The following DCLRE1A variants were observed in gnomAD, a reference collection of about 807,000 sequenced individuals.
DCLRE1A encodes the protein DNA cross-link repair 1A.
A neutral mutation model predicts 91.9 loss-of-function variants in DCLRE1A; 64 were observed. The ratio of observed to expected loss-of-function variants is 0.70; its 90% confidence interval spans 0.57 to 0.86. The LOEUF is 0.86. DCLRE1A is among the 40% of genes least tolerant of loss of function. The pLI is 0.00. For synonymous variants in DCLRE1A, 416 were observed against 431.1 expected, an observed-to-expected ratio of 0.96 and a Z score of 0.43; for missense variants, 1,145 against 1,213.3, an observed-to-expected ratio of 0.94 and a Z score of 0.84.
In DCLRE1A at chr10:113,847,465, C is replaced by T. The variant is rs938221015; in HGVS notation, c.2126-130G>A. On this transcript the variant is annotated intron_variant, in intron 2 of 8. Coordinates refer to ENST00000361384, the MANE Select transcript of DCLRE1A (RefSeq NM_014881.5). ...TTTAACTATATTTAAAAACTTATAT[C>T]ACATAAATTTAACAAAAGGTAACAC... is the stretch of plus-strand genomic sequence containing the variant. 7.5e-6 allele frequency: 8 copies of T among 1,063,228 alleles called. No homozygotes were observed. The South Asian group carries it at 2.3e-4, about 31-fold the overall frequency. 65.9% of individuals were successfully genotyped at this position (1,063,228 alleles called of 1,614,324 possible). A position where few individuals can be genotyped will look rare whatever the true frequency, so the allele number is the denominator to read the frequency against.
intron 1 of DCLRE1A, 71 bp from the exon 2 acceptor site, chr10:113,850,715 T>A (rs868749902): frequency 2.6e-5 from 32 of 1,251,072 alleles, no homozygotes; most frequent in Non-Finnish European, 3.4e-5. Context: ...ATTAGCAGTA[T>A]AAATTGGGTT....
At chr10:113,840,072 C>T (rs1845422010) in intron 7 of DCLRE1A, among the ~76,000 whole-genome samples, 1 of 151,898 alleles carries the variant, frequency 6.6e-6, no homozygotes, top group Non-Finnish European at 1.5e-5. Flanking sequence ...GGCGGGCAGA[C>T]CACTTGAGCT....
At chr10:113,848,129 C>T (rs997707560) in intron 2 of DCLRE1A, among the ~76,000 whole-genome samples, 11 of 151,808 alleles carry the variant, frequency 7.2e-5, no homozygotes, top group East Asian at 1.9e-4. Flanking sequence ...CTGGCTAGCA[C>T]GGTGAAACCC....
At chr10:113,841,807 T>C (rs185292882) in intron 6 of DCLRE1A, among the ~76,000 whole-genome samples, 128 of 152,274 alleles carry the variant, frequency 8.4e-4, no homozygotes, top group Non-Finnish European at 1.4e-3. Flanking sequence ...CAAAAGTGTA[T>C]AGAAAGTGGG....
rs374475683 is a variant in DCLRE1A, at chr10:113,852,063, G to A, written c.460+660C>T. 2.9e-3 allele frequency among the ~76,000 whole-genome samples: 449 copies of A among 152,298 alleles called. 3 individuals are homozygous for A. The highest frequency in any genetic ancestry group is 0.01 in the African/African-American group (427 of 41,574). ...TAATAACCACCAACTGGGGCCGGGC[G>A]CGGTGGTTCATGCCTGTAATACCAG... On this transcript the variant is annotated intron_variant, in intron 1 of 8. Transcript: ENST00000361384.
intron 8 of DCLRE1A, 66 bp downstream of exon 8, chr10:113,836,996 T>C: frequency 7.2e-7 from 1 of 1,391,294 alleles, no homozygotes; most frequent in Non-Finnish European, 9.6e-7. Flanking sequence ...TGAACCTTAT[T>C]ACATTTTTTA....
Position 113,853,947 on chromosome 10 carries a change from C to G in DCLRE1A, c.-765G>C, listed in dbSNP as rs1845704314. On this transcript the variant is annotated 5_prime_UTR_variant, in exon 1 of 9. Transcript: ENST00000361384. ...TGACTCCGTATTGCACCCATGGTTC[C>G]GAAGGTGGCCAGCCCTCTGTCCACC... 6.6e-6 allele frequency: 1 copy of G among 152,120 alleles called. No individual in the cohort carries two copies. The highest frequency in any genetic ancestry group is 1.5e-5 in the Non-Finnish European group (1 of 68,024). 9.4% of individuals were successfully genotyped at this position (152,120 alleles called of 1,614,324 possible).
In DCLRE1A at chr10:113,844,216, A is replaced by G. The variant is rs113919147; in HGVS notation, c.2407T>C (p.Tyr803His). The G allele has an allele frequency of 4.3e-6, 7 of 1,614,176 alleles. No individual in the cohort carries two copies. Among genetic ancestry groups the G allele is most frequent in the African/African-American group, 4.0e-5 (3 of 75,056 alleles). Residue 803 changes from tyrosine (Y) to histidine (H), a missense_variant, in exon 5 of 9, where the codon TAT becomes CAT. Physicochemically the swap from Tyr to His is moderately conservative, Grantham distance 83. Transcript: ENST00000361384. ...AATATGACAGTACCATTAGGAAGAT[A>G]AAAGAGGATCATGACAGCACCTGGA... ...HCPGAVMILF[Y>H]LPNGTVILHT...
intron 8 of DCLRE1A, among the ~76,000 whole-genome samples, chr10:113,836,736 C>A (rs1216732095): frequency 6.6e-6 from 1 of 152,208 alleles, no homozygotes; most frequent in Non-Finnish European, 1.5e-5. Flanking sequence ...AACCCATCAT[C>A]TTCCCGCTCC....
At chr10:113,852,582 G>T in intron 1 of DCLRE1A, 141 bp downstream of exon 1, 1 of 767,998 alleles carries the variant, frequency 1.3e-6, no homozygotes, top group Non-Finnish European at 2.1e-6. Flanking sequence ...CAATTATACC[G>T]TTGACTGGTA....
chr10:113,852,894 T>C lies in DCLRE1A; in HGVS notation c.289A>G (p.Thr97Ala). Reference sequence around the variant, plus strand: ...TGAGTTCTACAGAGTTTTCCTGGAGTAGTTTCCTTGTCTTGGGTCTGCTGA... The same window carrying C: ...TGAGTTCTACAGAGTTTTCCTGGAGCAGTTTCCTTGTCTTGGGTCTGCTGA... ...GIQQTQDKET[T>A]PGKLCRTQKS... Residue 97 changes from threonine (T) to alanine (A), a missense_variant, in exon 1 of 9, where the codon ACT becomes GCT. Coordinates refer to ENST00000361384, the MANE Select transcript of DCLRE1A (RefSeq NM_014881.5). The C allele has an allele frequency of 6.2e-7, 1 of 1,614,074 alleles. No homozygotes were observed. Among genetic ancestry groups the C allele is most frequent in the Admixed American group, 1.7e-5 (1 of 60,012 alleles).
rs1447837844 is a variant in DCLRE1A, at chr10:113,850,307, C to G, written c.798G>C (p.Glu266Asp). 6 of 1,614,208 alleles carry G rather than the reference C, an allele frequency of 3.7e-6. No homozygotes were observed. The African/African-American group carries it at 6.7e-5, about 18-fold the overall frequency. Residue 266 changes from glutamate (E) to aspartate (D), a missense_variant, in exon 2 of 9, where the codon GAG becomes GAC. Coordinates refer to ENST00000361384, the MANE Select transcript of DCLRE1A (RefSeq NM_014881.5). ...QQALQFTDFV[E>D]NDKLVGVALR... ...AAGCAACTCCCACTAGTTTGTCATT[C>G]TCAACAAAATCTGTAAATTGTAGAG...
rs143867190 is a variant in DCLRE1A at position 113,845,559 on chromosome 10, C to T, written c.2378+126G>A. ...GCACATTATTTTTCAAAAGGAGAAA[C>T]ATCTTACTCAAGTTTTAAGAAATAT... On this transcript the variant is annotated intron_variant, in intron 4 of 8. Transcript: ENST00000361384. 172 of 705,372 alleles carry T rather than the reference C, an allele frequency of 2.4e-4. No individual in the cohort carries two copies. In the African/African-American group the frequency reaches 2.8e-3, roughly 11 times the overall value. The allele number at this position is 705,372 out of a possible 1,614,324, so 43.7% of individuals were successfully genotyped here. A position where few individuals can be genotyped will look rare whatever the true frequency, so the allele number is the denominator to read the frequency against.
In DCLRE1A at chr10:113,849,966, C is replaced by T. The variant is rs1564845508; in HGVS notation, c.1139G>A (p.Ser380Asn). 6.2e-6 allele frequency: 10 copies of T among 1,614,124 alleles called. No individual in the cohort carries two copies. Among genetic ancestry groups the T allele is most frequent in the Admixed American group, 1.7e-5 (1 of 60,024 alleles). The stretch of plus-strand genomic sequence containing the variant: ...AATAGGTTGAGACAAATCATTTAGA[C>T]TATTGAATCTATACAATCCTTCATC... ...KYDEGLYRFN[S>N]LNDLSQPISQ... is the part of the protein sequence containing the mutation. Residue 380 changes from serine to asparagine, a missense_variant, in exon 2 of 9, where the codon AGT becomes AAT. Physicochemically the swap from Ser to Asn is conservative, Grantham distance 46 (BLOSUM62 1). Transcript: ENST00000361384.
At chr10:113,842,794 A>T (rs1377678334) in intron 5 of DCLRE1A, among the ~76,000 whole-genome samples, 2 of 152,130 alleles carry the variant, frequency 1.3e-5, no homozygotes, top group African/African-American at 4.8e-5. Context: ...TTTAGTTATA[A>T]ATTATAAACC....
intron 7 of DCLRE1A, among the ~76,000 whole-genome samples, chr10:113,837,618 T>C (rs181236753): frequency 3.9e-4 from 60 of 152,304 alleles, no homozygotes; most frequent in African/African-American, 1.4e-3. Context: ...GCTAGGTGGA[T>C]AGAAATAATT....
chr10:113,851,787 A>G (rs1845653968), intron 1 of DCLRE1A, among the ~76,000 whole-genome samples: 1 of 150,524 alleles, frequency 6.6e-6, no homozygotes, highest in Admixed American at 6.6e-5. Context: ...GTGCCCTGGC[A>G]TGATCACAGG....
chr10:113,848,978 AC>A lies in DCLRE1A; in HGVS notation c.2125+1del. ...ATATCGAGTATTGACATTTCAACTT[AC>A]CAGGTATTTTCTTATAGAATGGACA... is the stretch of plus-strand genomic sequence containing the variant. On this transcript the variant is annotated splice_donor_variant, in intron 2 of 8. Transcript: ENST00000361384. LOFTEE classifies it high-confidence loss of function. The A allele has an allele frequency of 6.2e-7, 1 of 1,607,448 alleles. No individual in the cohort carries two copies.
At chr10:113,843,991 G>A in intron 5 of DCLRE1A, 113 bp downstream of exon 5, 1 of 1,434,024 alleles carries the variant, frequency 7.0e-7, no homozygotes, top group Non-Finnish European at 9.4e-7. Context: ...GCATCCCTCT[G>A]ATAAAGAGCC....
Sources: allele counts gnomAD v4.1 joint callset (sites outside exome capture counted in the v4.1 genomes callset), GRCh38; gene constraint gnomAD v4.1.1; transcripts MANE v1.5; gene names NCBI Gene and HGNC (gene_info 2026-07-23, HGNC 2026-07-21).